The following CRACR2A variants were observed in gnomAD, a reference collection of about 807,000 sequenced individuals.
The protein encoded by CRACR2A is calcium release activated channel regulator 2A.
In CRACR2A, 79 loss-of-function variants were observed where a neutral mutation model predicts 90.5. That is an observed-to-expected ratio of 0.87 (90% CI 0.73 to 1.05). The LOEUF is 1.05. CRACR2A is among the 50% of genes least tolerant of loss of function. The pLI, the probability that CRACR2A is intolerant of heterozygous loss-of-function variation, is 0.00. For synonymous variants in CRACR2A, 338 were observed against 356.7 expected (o/e 0.95, Z 0.59); for missense variants, 823 against 897.2 (o/e 0.92, Z 1.06).
intron 2 of CRACR2A, chr12:3,726,583 A>G (rs1743611605): frequency 6.6e-6 from 1 of 152,174 alleles, no homozygotes; most frequent in African/African-American, 2.4e-5. Flanking sequence ...ATATGATAAC[A>G]GGAAGAAGGA....
chr12:3,687,722 C>T (rs2137654753), intron 4 of CRACR2A, among the ~76,000 whole-genome samples: 1 of 152,264 alleles, frequency 6.6e-6, no homozygotes, highest in African/African-American at 2.4e-5. Context: ...AATGGGATTG[C>T]TGGGTCCATG....
intron 12 of CRACR2A, 108 bp downstream of exon 12, chr12:3,644,487 T>C: frequency 1.0e-5 from 12 of 1,177,374 alleles, no homozygotes; most frequent in South Asian, 9.2e-5. Context: ...TCCTGCCAAA[T>C]AGATCCCGAG....
At chr12:3,617,462 ATTGAGT>A (rs1867711926) in intron 18 of CRACR2A, among the ~76,000 whole-genome samples, 1 of 152,176 alleles carries the variant, frequency 6.6e-6, no homozygotes, top group Admixed American at 6.5e-5. Flanking sequence ...TCAGTCCCAC[ATTGAGT>A]TAATGGCAGA....
intron 7 of CRACR2A, among the ~76,000 whole-genome samples, chr12:3,667,352 T>C (rs2137545042): frequency 6.6e-6 from 1 of 152,314 alleles, no homozygotes; most frequent in African/African-American, 2.4e-5. Context: ...CATTTAGAAT[T>C]GTCAGTCTTC....
chr12:3,616,217 T>C (rs1042316931), intron 19 of CRACR2A, among the ~76,000 whole-genome samples: 3 of 152,260 alleles, frequency 2.0e-5, no homozygotes, highest in Non-Finnish European at 4.4e-5. Context: ...GAGGAGTTGT[T>C]CTGGGCTCTT....
At chr12:3,626,281 A>G (rs903293742) in intron 17 of CRACR2A, among the ~76,000 whole-genome samples, 6 of 152,260 alleles carry the variant, frequency 3.9e-5, no homozygotes, top group African/African-American at 1.4e-4. Flanking sequence ...AAAGGGTCAA[A>G]GAAATGGACA....
intron 8 of CRACR2A, among the ~76,000 whole-genome samples, chr12:3,657,592 G>A (rs746797339): frequency 6.6e-6 from 1 of 152,212 alleles, no homozygotes; most frequent in African/African-American, 2.4e-5. Flanking sequence ...GGGACAGCCT[G>A]TGATTATCCT....
At position 3,638,350 on chromosome 12, in the gene CRACR2A, C is replaced by T. The variant is rs1944497833; in HGVS notation, c.1376G>A (p.Gly459Glu). The change falls in exon 14 of 20, where the codon GGG becomes GAG. Residue 459 changes from glycine to glutamate, a missense_variant. Gly to Glu is a moderately conservative substitution (Grantham distance 98). Transcript: ENST00000440314. ...TEEEPGTGEP[G>E]PGGPYPRPLR... ...CGGCCGGGGGTACGGACCCCCAGGCCCTGGCTCCCCGGTTCCTGGCTCCTC... is the reference window on the plus strand; with the variant it reads ...CGGCCGGGGGTACGGACCCCCAGGCTCTGGCTCCCCGGTTCCTGGCTCCTC... The T allele has an allele frequency of 1.3e-6, 2 of 1,551,506 alleles. No homozygotes were observed. Among genetic ancestry groups the T allele is most frequent in the Non-Finnish European group, 8.7e-7 (1 of 1,146,936 alleles).
At chr12:3,637,455 T>C (rs1311523645) in intron 14 of CRACR2A, among the ~76,000 whole-genome samples, 2 of 152,150 alleles carry the variant, frequency 1.3e-5, no homozygotes, top group South Asian at 2.1e-4. Context: ...AATAATCTGA[T>C]CAATCTTTTC....
At chr12:3,749,186 C>A (rs534904747) in intron 1 of CRACR2A, among the ~76,000 whole-genome samples, 2 of 152,294 alleles carry the variant, frequency 1.3e-5, no homozygotes, top group South Asian at 2.1e-4. Flanking sequence ...CATGGACAGC[C>A]CTTGGGCCAT....
chr12:3,638,528 T>C, intron 13 of CRACR2A, 74 bp from the exon 14 acceptor site: 1 of 1,440,928 alleles, frequency 6.9e-7, no homozygotes, highest in Non-Finnish European at 9.2e-7. Context: ...ATAACAGCTT[T>C]TGTGACGAAC....
At chr12:3,675,071 G>A (rs1390834301) in intron 6 of CRACR2A, among the ~76,000 whole-genome samples, 1 of 152,074 alleles carries the variant, frequency 6.6e-6, no homozygotes, top group Admixed American at 6.5e-5. Flanking sequence ...TACTTCTCTT[G>A]AGCTCTTTCC....
chr12:3,750,105 T>G (rs1377503012), intron 1 of CRACR2A, among the ~76,000 whole-genome samples: 2 of 151,480 alleles, frequency 1.3e-5, no homozygotes, highest in East Asian at 3.9e-4. Flanking sequence ...CCAGCTAATT[T>G]CTGTATTTTT....
Position 3,633,555 on chromosome 12 carries a change from TC to T in CRACR2A, c.1735+48del. The T allele has an allele frequency of 1.3e-6, 2 of 1,548,866 alleles. No homozygotes were observed. Among genetic ancestry groups the T allele is most frequent in the Non-Finnish European group, 1.7e-6 (2 of 1,145,358 alleles). ...TGCCCCGGGCCCCCTTCTCACAAAC[TC>T]CCTTCCCAAAGATGGGCCTAGGACC... On this transcript the variant is annotated intron_variant, in intron 15 of 19. Coordinates refer to ENST00000440314, the MANE Select transcript of CRACR2A (RefSeq NM_001144958.2). The surrounding 1 kb of genome is among the most constrained non-coding windows in gnomAD (Gnocchi z 4.5).
At chr12:3,676,338 G>A (rs534405239) in intron 6 of CRACR2A, among the ~76,000 whole-genome samples, 2 of 152,262 alleles carry the variant, frequency 1.3e-5, no homozygotes, top group East Asian at 1.9e-4. Flanking sequence ...ATTTAGATGT[G>A]GCAAAGGGTT....
intron 2 of CRACR2A, among the ~76,000 whole-genome samples, chr12:3,725,579 C>T (rs1218964977): frequency 6.6e-6 from 1 of 152,132 alleles, no homozygotes; most frequent in East Asian, 1.9e-4. Flanking sequence ...CAAATAAGGT[C>T]ATATTCACCA....
At chr12:3,697,110 A>G (rs71579245) in intron 3 of CRACR2A, 75 bp from the exon 4 acceptor site, 16,554 of 1,463,448 alleles carry the variant, frequency 0.011, 149 homozygotes, top group Non-Finnish European at 0.012. Context: ...AGAGGGGATG[A>G]GAAGGAAGCA....
intron 12 of CRACR2A, 100 bp downstream of exon 12, chr12:3,644,495 G>T (rs529966591): frequency 1.6e-6 from 2 of 1,224,252 alleles, no homozygotes; most frequent in Admixed American, 2.0e-5. Context: ...AATAGATCCC[G>T]AGTGTCAGGA....
At chr12:3,708,548 C>T (rs1945964239) in intron 3 of CRACR2A, among the ~76,000 whole-genome samples, 1 of 152,222 alleles carries the variant, frequency 6.6e-6, no homozygotes, top group Admixed American at 6.5e-5. Flanking sequence ...CCTCAGCCTC[C>T]CGAGTAGCTG....
Sources: allele counts gnomAD v4.1 joint callset (sites outside exome capture counted in the v4.1 genomes callset), GRCh38; gene constraint gnomAD v4.1.1; non-coding constraint Gnocchi (gnomAD v3.1); transcripts MANE v1.5; gene names NCBI Gene and HGNC (gene_info 2026-07-23, HGNC 2026-07-21).